ST7L: variants seen among roughly 807,000 people sequenced by gnomAD.
The protein encoded by ST7L is suppressor of tumorigenicity 7 protein-like.
In ST7L, 57 loss-of-function variants were observed where a neutral mutation model predicts 72.5. That is an observed-to-expected ratio of 0.79 (90% CI 0.64 to 0.98). The LOEUF (loss-of-function observed/expected upper bound fraction) is 0.98. ST7L is among the 50% of genes least tolerant of loss of function. The pLI, the probability that ST7L is intolerant of heterozygous loss-of-function variation, is 0.00. For synonymous variants in ST7L, 221 were observed against 240.9 expected, an observed-to-expected ratio of 0.92 and a Z score of 0.77; for missense variants, 576 against 672.2, an observed-to-expected ratio of 0.86 and a Z score of 1.58.
intron 12 of ST7L, among the ~76,000 whole-genome samples, chr1:112,555,479 G>A (rs542510442): frequency 3.9e-5 from 6 of 152,158 alleles, no homozygotes; most frequent in East Asian, 3.9e-4. Flanking sequence ...GCAGGAGAAC[G>A]GCATGAACCC....
chr1:112,618,016 T>A (rs1670195318), intron 1 of ST7L: 1 of 1,303,956 alleles, frequency 7.7e-7, no homozygotes, highest in African/African-American at 1.5e-5. Context: ...CAGTCTTTCA[T>A]GTCATCTCTG....
chr1:112,582,244 T>G (rs1046907054), intron 8 of ST7L, 131 bp downstream of exon 8: 5 of 885,582 alleles, frequency 5.6e-6, no homozygotes, highest in Non-Finnish European at 8.6e-6. Flanking sequence ...GGTACGTATA[T>G]TAAATAAATA....
intron 11 of ST7L, chr1:112,571,185 CA>C: frequency 5.0e-6 from 2 of 396,474 alleles, no homozygotes; most frequent in Admixed American, 3.2e-5. Context: ...CCAAATTCTT[CA>C]AAAAAACCTT....
At chr1:112,551,307 C>A (rs1184882820) in intron 12 of ST7L, among the ~76,000 whole-genome samples, 2 of 151,998 alleles carry the variant, frequency 1.3e-5, no homozygotes, top group African/African-American at 4.8e-5. Context: ...CGCCACCACA[C>A]CTGGCTAATT....
intron 11 of ST7L, among the ~76,000 whole-genome samples, chr1:112,564,861 G>T (rs996981820): frequency 2.0e-5 from 3 of 150,862 alleles, no homozygotes; most frequent in Admixed American, 6.6e-5. Flanking sequence ...TTCTAGGGTG[G>T]ATAAGACTTG....
At chr1:112,594,034 A>G (rs1666063830) in intron 5 of ST7L, among the ~76,000 whole-genome samples, 1 of 152,114 alleles carries the variant, frequency 6.6e-6, no homozygotes, top group Non-Finnish European at 1.5e-5. Context: ...AAAACTTTGC[A>G]AGGACCAAAA....
intron 1 of ST7L, 67 bp downstream of exon 1, chr1:112,618,842 C>T (rs541751079): frequency 3.9e-6 from 6 of 1,533,144 alleles, no homozygotes; most frequent in African/African-American, 2.7e-5. Flanking sequence ...ATCTCTTGCC[C>T]TTTGGCTCTT....
At chr1:112,547,930 G>A (rs1236881867) in intron 13 of ST7L, among the ~76,000 whole-genome samples, 1 of 152,052 alleles carries the variant, frequency 6.6e-6, no homozygotes, top group Non-Finnish European at 1.5e-5. Context: ...GAGGGAGAAG[G>A]CACTAATATT....
chr1:112,535,566 T>C (rs552353824), intron 14 of ST7L, among the ~76,000 whole-genome samples: 6 of 151,444 alleles, frequency 4.0e-5, no homozygotes, highest in South Asian at 2.1e-4. Flanking sequence ...CCCATCTCTA[T>C]AACAAATTTT....
intron 13 of ST7L, among the ~76,000 whole-genome samples, chr1:112,543,784 G>A (rs1002373479): frequency 6.8e-6 from 1 of 147,426 alleles, no homozygotes; most frequent in African/African-American, 2.5e-5. Context: ...CAGGAGGATC[G>A]CTAGAACCTG....
intron 5 of ST7L, among the ~76,000 whole-genome samples, chr1:112,593,008 A>C (rs1212642462): frequency 1.3e-5 from 2 of 152,214 alleles, no homozygotes; most frequent in Non-Finnish European, 2.9e-5. Flanking sequence ...GTATTAATTT[A>C]TACTTTTTCA....
rs1653261575 is a variant in ST7L, at chr1:112,525,552, A to C, written c.*461T>G. The stretch of plus-strand genomic sequence containing the variant: ...ATTCCTCATTTACTTAAGATGTTTT[A>C]GTCATTCTGGATGTGCAAATGCAAG... On this transcript the variant is annotated 3_prime_UTR_variant, in exon 15 of 15. Transcript: ENST00000358039. 6.5e-6 allele frequency: 1 copy of C among 153,428 alleles called. No homozygotes were observed. 9.5% of individuals were successfully genotyped at this position (153,428 alleles called of 1,614,324 possible).
chr1:112,615,480 GAC>G (rs1222251730), intron 2 of ST7L, among the ~76,000 whole-genome samples: 5 of 152,144 alleles, frequency 3.3e-5, no homozygotes, highest in African/African-American at 1.2e-4. Context: ...TTGAATTCAT[GAC>G]ACATAAATTT....
intron 3 of ST7L, among the ~76,000 whole-genome samples, chr1:112,609,739 T>A (rs1323517661): frequency 6.6e-6 from 1 of 151,788 alleles, no homozygotes; most frequent in Non-Finnish European, 1.5e-5. Flanking sequence ...AGGAGAATCA[T>A]TTGAACTTGG....
chr1:112,618,275 G>T, intron 1 of ST7L: 4 of 1,054,700 alleles, frequency 3.8e-6, no homozygotes, highest in Non-Finnish European at 4.6e-6. Context: ...CACAGAATAC[G>T]TAGCAAGTGT....
At chr1:112,609,823 C>CTAAA (rs892084255) in intron 3 of ST7L, among the ~76,000 whole-genome samples, 11 of 151,986 alleles carry the variant, frequency 7.2e-5, no homozygotes, top group Non-Finnish European at 1.5e-4. Context: ...CTGTCTCTAA[C>CTAAA]TAAATAAATA....
rs145798643 is a variant in ST7L, at chr1:112,608,473, C to A, written c.451+2368G>T. On this transcript the variant is annotated intron_variant, in intron 3 of 14. Transcript: ENST00000358039. ...TATAGAGTATCATATATAAGATACT[C>A]TATAAAAGCAGTTAACCATACTCTT... Among the ~76,000 whole-genome samples the A allele has an allele frequency of 3.1e-3, 466 of 152,160 alleles. 4 individuals are homozygous for A. The highest frequency in any genetic ancestry group is 0.011 in the African/African-American group (438 of 41,506).
rs534476381 is a variant in ST7L at position 112,582,239 on chromosome 1, G to A, written c.955-133C>T. 83 of 869,768 alleles carry A rather than the reference G, an allele frequency of 9.5e-5. 1 individual carries two copies. In the South Asian group the frequency reaches 1.3e-3, roughly 14 times the overall value. The allele number at this position is 869,768 out of a possible 1,614,324, so 53.9% of individuals were successfully genotyped here. A position where few individuals can be genotyped will look rare whatever the true frequency, so the allele number is the denominator to read the frequency against. ...AAGACCTAACCCTTAAGAAAGGTAC[G>A]TATATTAAATAAATACCTTGTTCTA... On this transcript the variant is annotated intron_variant, in intron 8 of 14. Transcript: ENST00000358039.
At chr1:112,572,552 C>G (rs1487671587) in intron 11 of ST7L, among the ~76,000 whole-genome samples, 2 of 152,232 alleles carry the variant, frequency 1.3e-5, no homozygotes, top group African/African-American at 2.4e-5. Flanking sequence ...AAATATAACT[C>G]TAAATCAAAG....
Sources: allele counts gnomAD v4.1 joint callset (sites outside exome capture counted in the v4.1 genomes callset), GRCh38; gene constraint gnomAD v4.1.1; transcripts MANE v1.5; gene names NCBI Gene and HGNC (gene_info 2026-07-23, HGNC 2026-07-21).